The following UNC13D variants were observed in gnomAD, a reference collection of about 807,000 sequenced individuals.
UNC13D encodes unc-13 homolog D.
In UNC13D, 115 loss-of-function variants were observed where a neutral mutation model predicts 151.7. The observed-to-expected ratio is 0.76, with a 90% confidence interval of 0.65 to 0.88. The LOEUF is 0.88. UNC13D is among the 40% of genes least tolerant of loss of function. The pLI, the probability that UNC13D is intolerant of heterozygous loss-of-function variation, is 0.00. For synonymous variants in UNC13D, 588 were observed against 612.2 expected (o/e 0.96, Z 0.58); for missense variants, 1,369 against 1,438.7 (o/e 0.95, Z 0.78).
Position 75,836,588 on chromosome 17 carries a change from G to C in UNC13D, c.1282C>G (p.Leu428Val), listed in dbSNP as rs2064910555. Residue 428 changes from leucine to valine, a missense_variant, in exon 14 of 32, where the codon CTG becomes GTG. By Grantham distance (32) the Leu-to-Val change is conservative. This residue lies in a region of UNC13D where 550 missense variants were observed against 609.0 expected (regional missense o/e 0.90). Coordinates refer to ENST00000207549, the MANE Select transcript of UNC13D (RefSeq NM_199242.3). ...PLSVSDSPARLQSLLRVLVQM... is the reference protein window; with the variant it reads ...PLSVSDSPARVQSLLRVLVQM... ...GCCACTGACCTGAGAAGAGACTGCA[G>C]CCGGGCTGGGGAGTCCGAGACAGAG... 6.2e-7 allele frequency: 1 copy of C among 1,613,646 alleles called. No individual in the cohort carries two copies. Among genetic ancestry groups the C allele is most frequent in the African/African-American group, 1.3e-5 (1 of 74,930 alleles).
intron 12 of UNC13D, among the ~76,000 whole-genome samples, chr17:75,837,807 G>A (rs75153226): frequency 0.017 from 2,604 of 151,726 alleles, 30 homozygotes; most frequent in South Asian, 0.027. Flanking sequence ...CTGAGCCTTC[G>A]TGCACATGTG....
intron 2 of UNC13D, 29 bp downstream of exon 2, chr17:75,843,455 T>C: frequency 1.3e-6 from 2 of 1,596,364 alleles, no homozygotes; most frequent in Non-Finnish European, 1.7e-6. Flanking sequence ...CCTCCCCACC[T>C]CTCTGCACCC....
intron 6 of UNC13D, 58 bp downstream of exon 6, chr17:75,842,375 A>C: frequency 6.4e-7 from 1 of 1,574,514 alleles, no homozygotes; most frequent in Admixed American, 1.7e-5. Context: ...TGTCTGGGGC[A>C]GACCCTGCTA....
chr17:75,830,206 C>T, intron 29 of UNC13D, 55 bp from the exon 30 acceptor site: 1 of 1,567,064 alleles, frequency 6.4e-7, no homozygotes, highest in Non-Finnish European at 8.6e-7. Flanking sequence ...GCACCCCACC[C>T]CAGCAGCTAT....
In UNC13D at chr17:75,828,857, C is replaced by T; in HGVS notation, c.3081G>A (p.Gly1027=). Residue 1027 remains glycine (G), a synonymous_variant, in exon 31 of 32, where the codon GGG becomes GGA. Coordinates refer to ENST00000207549, the MANE Select transcript of UNC13D (RefSeq NM_199242.3). The part of the protein sequence containing the change: ...EAFLPLREVP[G]LSGSEEPGEV... ...CACCAGGCTCCTCAGAGCCACTCAGCCCGGGCACCTCACGCAGCGGCAGGA... is the reference window on the plus strand; with the variant it reads ...CACCAGGCTCCTCAGAGCCACTCAGTCCGGGCACCTCACGCAGCGGCAGGA... 1 of 1,593,182 alleles carries T rather than the reference C, an allele frequency of 6.3e-7. No individual in the cohort carries two copies.
In UNC13D at chr17:75,831,148, C is replaced by T. The variant is rs779600808; in HGVS notation, c.2575G>A (p.Ala859Thr). The T allele has an allele frequency of 8.1e-6, 13 of 1,613,922 alleles. No individual in the cohort carries two copies. The highest frequency in any genetic ancestry group is 5.5e-5 in the South Asian group (5 of 91,092). Residue 859 changes from alanine (A) to threonine (T), a missense_variant, in exon 27 of 32, where the codon GCT becomes ACT. By Grantham distance (58) the Ala-to-Thr change is moderately conservative. Coordinates refer to ENST00000207549, the MANE Select transcript of UNC13D (RefSeq NM_199242.3). The stretch of plus-strand genomic sequence containing the variant: ...TTGGGTGGCAGGCCACAGCCCTCAG[C>T]GTGGAAGCAGATCTCCAGGTTCTGG... The part of the protein sequence containing the change: ...ALQNLEICFH[A>T]EGCGLPPKAL...
In UNC13D at chr17:75,833,637, CT is replaced by C. The variant is rs1381748988; in HGVS notation, c.2367+437del. On this transcript the variant is annotated intron_variant, in intron 24 of 31. Transcript: ENST00000207549. This position sits in a 1 kb window ranked among gnomAD's most constrained non-coding sequence, Gnocchi z 4.0. ...AGCAGGTATTTTGTCATATTGTTCA[CT>C]GACCTATCCCCAGTGCTTAAATCAA... Among the ~76,000 whole-genome samples the C allele has an allele frequency of 6.6e-6, 1 of 152,156 alleles. No homozygotes were observed. Among genetic ancestry groups the C allele is most frequent in the Non-Finnish European group, 1.5e-5 (1 of 68,022 alleles).
chr17:75,837,048 C>G, intron 12 of UNC13D, 130 bp from the exon 13 acceptor site: 1 of 512,432 alleles, frequency 2.0e-6, no homozygotes, highest in Non-Finnish European at 3.1e-6. Context: ...CTCAACAGGA[C>G]ATGCAGGATT....
At position 75,827,536 on chromosome 17, in the gene UNC13D, C is replaced by T. The variant is rs2062132034; in HGVS notation, c.*429G>A. 8 of 1,533,786 alleles carry T rather than the reference C, an allele frequency of 5.2e-6. No individual in the cohort carries two copies. The highest frequency in any genetic ancestry group is 7.0e-6 in the Non-Finnish European group (8 of 1,145,574). On this transcript the variant is annotated 3_prime_UTR_variant, in exon 32 of 32. Transcript: ENST00000207549. ...TCATCTTTGGCAGGGTCCCCTCTCCCTTTTCCAGGAGACTCTGTGCCTGTA... is the reference window on the plus strand; with the variant it reads ...TCATCTTTGGCAGGGTCCCCTCTCCTTTTTCCAGGAGACTCTGTGCCTGTA...
At chr17:75,835,283 T>A in intron 20 of UNC13D, 126 bp downstream of exon 20, 1 of 1,398,986 alleles carries the variant, frequency 7.1e-7, no homozygotes, top group East Asian at 2.5e-5. Context: ...AAAACTGGAC[T>A]CAAGTGCACC....
rs200441303 is a variant in UNC13D, at chr17:75,830,424, G to C, written c.2768C>G (p.Ser923Cys). Residue 923 changes from serine to cysteine, a missense_variant, in exon 29 of 32, where the codon TCT (serine) becomes TGT (cysteine). Around this residue, in one of 3 missense-constraint regions of UNC13D, gnomAD observed 807 missense variants for 795.5 expected, o/e 1.01. Transcript: ENST00000207549. ...CAGCTCCACACGCAGCTTCTGCTCA[G>C]AGGCGCGGTAGGAGGCCTTGACTGT... ...AVTVKASYRA[S>C]EQKLRVELLS... The C allele has an allele frequency of 3.2e-5, 51 of 1,586,652 alleles. No individual in the cohort carries two copies. Among genetic ancestry groups the C allele is most frequent in the Admixed American group, 2.2e-4 (12 of 55,660 alleles).
chr17:75,831,175 G>A lies in UNC13D; in HGVS notation c.2554-6C>T. On this transcript the variant is annotated splice_polypyrimidine_tract_variant and splice_region_variant and intron_variant, in intron 26 of 31. Transcript: ENST00000207549. ...TGGAAGCAGATCTCCAGGTTCTGGG[G>A]GAGATATCAGAGGTGACCCCAGGCA... The A allele has an allele frequency of 1.2e-6, 2 of 1,614,102 alleles. No individual in the cohort carries two copies. Among genetic ancestry groups the A allele is most frequent in the Non-Finnish European group, 1.7e-6 (2 of 1,180,038 alleles).
Position 75,835,078 on chromosome 17 carries a change from G to A in UNC13D, c.1849-15C>T. 1.2e-6 allele frequency: 2 copies of A among 1,613,548 alleles called. No homozygotes were observed. The highest frequency in any genetic ancestry group is 1.7e-6 in the Non-Finnish European group (2 of 1,179,992). On this transcript the variant is annotated splice_polypyrimidine_tract_variant and intron_variant, in intron 20 of 31. Coordinates refer to ENST00000207549, the MANE Select transcript of UNC13D (RefSeq NM_199242.3). The stretch of plus-strand genomic sequence containing the variant: ...AGGGGCACCAGCTGGGGGAAGAAAG[G>A]AGGACTCAGGATACTGCCAAATCCA...
In UNC13D at chr17:75,827,247, T is replaced by C; in HGVS notation, c.*718A>G. 2.4e-6 allele frequency: 1 copy of C among 420,088 alleles called. No homozygotes were observed. The highest frequency in any genetic ancestry group is 7.9e-5 in the South Asian group (1 of 12,724). The allele number at this position is 420,088 out of a possible 1,614,324, so 26.0% of individuals were successfully genotyped here. A position where few individuals can be genotyped will look rare whatever the true frequency, so the allele number is the denominator to read the frequency against. On this transcript the variant is annotated 3_prime_UTR_variant, in exon 32 of 32. Transcript: ENST00000207549. ...ATATTTTAAGAGGACAATGGATTTG[T>C]TTTTATTAATTTTTTTGCTAAGAAA...
rs139786413 is a variant in UNC13D, at chr17:75,829,751, C to T, written c.2954+277G>A. ...GAGTACAGGTACCCACCATCATGCC[C>T]GGCTAATTTTGTATTTTTAGTAGAG... On this transcript the variant is annotated intron_variant, in intron 30 of 31. Coordinates refer to ENST00000207549, the MANE Select transcript of UNC13D (RefSeq NM_199242.3). The T allele has an allele frequency of 8.8e-3, 3,547 of 404,128 alleles. 124 individuals carry two copies. Among genetic ancestry groups the T allele is most frequent in the African/African-American group, 0.068 (3,276 of 48,184 alleles). The allele number at this position is 404,128 out of a possible 1,614,324, so 25.0% of individuals were successfully genotyped here. A position where few individuals can be genotyped will look rare whatever the true frequency, so the allele number is the denominator to read the frequency against.
chr17:75,831,301 G>C lies in UNC13D; in HGVS notation c.2495C>G (p.Ala832Gly), dbSNP rs201931051. The C allele has an allele frequency of 6.2e-7, 1 of 1,613,500 alleles. No individual in the cohort carries two copies. Among genetic ancestry groups the C allele is most frequent in the Non-Finnish European group, 8.5e-7 (1 of 1,180,022 alleles). Residue 832 changes from alanine (A) to glycine (G), a missense_variant, in exon 26 of 32, where the codon GCG becomes GGG. By Grantham distance (60) the Ala-to-Gly change is moderately conservative. Around this residue, in one of 3 missense-constraint regions of UNC13D, gnomAD observed 807 missense variants for 795.5 expected, o/e 1.01. Coordinates refer to ENST00000207549, the MANE Select transcript of UNC13D (RefSeq NM_199242.3). ...WTHTLTVLVE[A>G]AASQRSSSLA... ...GGATGAGCTGCGCTGGGAGGCGGCC[G>C]CCTCCACCAGCACTGTGAGTGTGTG... is the stretch of plus-strand genomic sequence containing the variant.
In UNC13D at chr17:75,836,427, A is replaced by G. The variant is rs752360915; in HGVS notation, c.1301T>C (p.Val434Ala). Residue 434 changes from valine to alanine, a missense_variant and splice_region_variant, in exon 15 of 32, where the codon GTC becomes GCC. Val to Ala is a moderately conservative substitution (Grantham distance 64). Coordinates refer to ENST00000207549, the MANE Select transcript of UNC13D (RefSeq NM_199242.3). ...CTTCATCTTGCACATCTGTACCAGG[A>G]CCCTGCAAGATGGAAAGAGCTGTGT... ...SPARLQSLLR[V>A]LVQMCKMKAF... 9 of 1,612,854 alleles carry G rather than the reference A, an allele frequency of 5.6e-6. No individual in the cohort carries two copies. Among genetic ancestry groups the G allele is most frequent in the Non-Finnish European group, 6.8e-6 (8 of 1,179,956 alleles).
chr17:75,842,601 G>C lies in UNC13D; in HGVS notation c.401C>G (p.Pro134Arg), dbSNP rs752011807. 1 of 1,611,780 alleles carries C rather than the reference G, an allele frequency of 6.2e-7. No individual in the cohort carries two copies. The highest frequency in any genetic ancestry group is 2.2e-5 in the East Asian group (1 of 44,860). ...CTGCTCAATGCCCAGCAGGCAGTAG[G>C]GGTCGCTGAACCCTGTGGAGGAGTG... Reference protein sequence around the residue: ...LGKDVSGFSDPYCLLGIEQGV... With the variant: ...LGKDVSGFSDRYCLLGIEQGV... The change falls in exon 6 of 32, where the codon CCC (proline) becomes CGC (arginine). Residue 134 changes from proline (P) to arginine (R), a missense_variant. Physicochemically the swap from Pro to Arg is moderately radical, Grantham distance 103. This residue lies in a region of UNC13D where 550 missense variants were observed against 609.0 expected (regional missense o/e 0.90). Transcript: ENST00000207549.
At chr17:75,842,045 C>G (rs761371457) in intron 6 of UNC13D, among the ~76,000 whole-genome samples, 54 of 151,880 alleles carry the variant, frequency 3.6e-4, no homozygotes, top group Non-Finnish European at 6.2e-4. Flanking sequence ...CCACGCCCGG[C>G]CTTTTTTGTA....
Sources: gnomAD v4.1 joint callset for allele counts (sites outside exome capture counted in the v4.1 genomes callset) on GRCh38, gnomAD v4.1.1 for gene constraint, gnomAD v4.1.1 regional missense constraint, Gnocchi (gnomAD v3.1) non-coding constraint, MANE v1.5 for transcripts, NCBI Gene and HGNC (gene_info 2026-07-23, HGNC 2026-07-21) for gene names.